Variants in MAST4 observed in about 807,000 individuals in gnomAD.
The protein encoded by MAST4 is microtubule associated serine/threonine kinase family member 4, also known as microtubule-associated serine/threonine-protein kinase 4.
Under a neutral mutation model 162.7 loss-of-function variants are expected in MAST4, and 89 were observed. That is an observed-to-expected ratio of 0.55 (90% CI 0.46 to 0.65). MAST4 has a LOEUF of 0.65. MAST4 is among the 30% of genes least tolerant of loss of function. The pLI, the probability that MAST4 is intolerant of heterozygous loss-of-function variation, is 0.00. For synonymous variants in MAST4, 1,479 were observed against 1,361.1 expected (o/e 1.09, Z -1.91); for missense variants, 3,153 against 3,374.0 (o/e 0.93, Z 1.62).
chr5:66,726,031 T>TTGTG (rs376355771), intron 1 of MAST4, among the ~76,000 whole-genome samples: 4 of 150,878 alleles, frequency 2.7e-5, no homozygotes, highest in Non-Finnish European at 4.4e-5. Context: ...TATGAACATT[T>TTGTG]TGTGTGTGTG....
intron 3 of MAST4, among the ~76,000 whole-genome samples, chr5:66,848,298 T>A (rs1759039324): frequency 6.6e-6 from 1 of 152,164 alleles, no homozygotes; most frequent in Non-Finnish European, 1.5e-5. Flanking sequence ...AATAATTTGT[T>A]TATGATGTTA....
In MAST4 at chr5:66,682,473, T is replaced by C. The variant is rs1323861990; in HGVS notation, c.364-77236T>C. Among the ~76,000 whole-genome samples, 3 of 152,196 alleles carry C rather than the reference T, an allele frequency of 2.0e-5. 1 individual carries two copies. Among genetic ancestry groups the C allele is most frequent in the African/African-American group, 7.2e-5 (3 of 41,440 alleles). On this transcript the variant is annotated intron_variant, in intron 1 of 28. Transcript: ENST00000403625. The stretch of plus-strand genomic sequence containing the variant: ...GAAGATAAAGATGGGTTCAGTTGAA[T>C]TAGGGCTCTGGAGTCAGATCTGCTT...
chr5:66,849,565 TAAGGCGTTCCTTCTTCAGGGC>T lies in MAST4; in HGVS notation c.643-50371_643-50351del, dbSNP rs1353935841. On this transcript the variant is annotated intron_variant, in intron 3 of 28. Coordinates refer to ENST00000403625, the MANE Select transcript of MAST4 (RefSeq NM_001164664.2). ...CTTTGCCCAGAGAAGTAAGCCAGGG[TAAGGCGTTCCTTCTTCAGGGC>T]AAGGCGTTCCTTCTGCAGACCACCA... 2.6e-5 allele frequency among the ~76,000 whole-genome samples: 4 copies of T among 152,270 alleles called. No individual in the cohort carries two copies. The South Asian group carries it at 8.3e-4, about 32-fold the overall frequency.
At chr5:66,914,965 C>A (rs776156729) in intron 4 of MAST4, among the ~76,000 whole-genome samples, 4 of 151,938 alleles carry the variant, frequency 2.6e-5, no homozygotes, top group African/African-American at 2.4e-5. Flanking sequence ...GATCGAGAAT[C>A]AGAAAAGAAG....
intron 3 of MAST4, among the ~76,000 whole-genome samples, chr5:66,841,875 G>A (rs1758453274): frequency 6.6e-6 from 1 of 152,076 alleles, no homozygotes; most frequent in Admixed American, 6.6e-5. Flanking sequence ...ATTTCTTTAA[G>A]CTGAGTTTTC....
chr5:66,851,078 T>C (rs576448496), intron 3 of MAST4, among the ~76,000 whole-genome samples: 150 of 152,314 alleles, frequency 9.8e-4, no homozygotes, highest in African/African-American at 3.5e-3. Context: ...TGGATGATAA[T>C]GTCTTTTACA....
At chr5:66,806,220 A>T (rs1331430802) in intron 3 of MAST4, among the ~76,000 whole-genome samples, 9 of 152,226 alleles carry the variant, frequency 5.9e-5, no homozygotes, top group Admixed American at 6.5e-5. Context: ...CCCCTCATCC[A>T]TCAAGCCTGA....
intron 17 of MAST4, 126 bp downstream of exon 17, chr5:67,133,772 T>G (rs192173139): frequency 3.1e-5 from 33 of 1,052,694 alleles, no homozygotes; most frequent in Non-Finnish European, 1.4e-6. Context: ...GTATAAACCT[T>G]ACATTTAATA....
intron 1 of MAST4, among the ~76,000 whole-genome samples, chr5:66,743,987 A>G (rs539219887): frequency 6.6e-6 from 1 of 152,080 alleles, no homozygotes; most frequent in South Asian, 2.1e-4. Flanking sequence ...CATTTTCTGA[A>G]CATCTCTTAT....
chr5:67,124,177 C>G (rs934534610), intron 14 of MAST4, among the ~76,000 whole-genome samples: 2 of 152,174 alleles, frequency 1.3e-5, no homozygotes, highest in South Asian at 2.1e-4. Context: ...TCTTTGGTTA[C>G]GTCTTCCCTG....
At position 66,790,224 on chromosome 5, in the gene MAST4, T is replaced by C. The variant is rs541976218; in HGVS notation, c.642+1430T>C. On this transcript the variant is annotated intron_variant, in intron 3 of 28. Transcript: ENST00000403625. ...AATTATGTTGGATATTTGGAAATAA[T>C]GCAGTAATGGATGCAGATTTTGTTC... Among the ~76,000 whole-genome samples the C allele has an allele frequency of 8.1e-4, 124 of 152,286 alleles. 2 individuals are homozygous for C. In the South Asian group the frequency reaches 0.025, roughly 31 times the overall value.
intron 1 of MAST4, among the ~76,000 whole-genome samples, chr5:66,718,351 G>T: frequency 6.6e-6 from 1 of 151,640 alleles, no homozygotes; most frequent in Non-Finnish European, 1.5e-5. Context: ...TTAGACACAC[G>T]GCTTCTTCTA....
Position 67,053,906 on chromosome 5 carries a change from G to T in MAST4, c.675-498G>T, listed in dbSNP as rs79872741. Among the ~76,000 whole-genome samples the T allele has an allele frequency of 9.4e-3, 1,431 of 152,128 alleles. 107 individuals carry two copies. The East Asian group carries it at 0.19, about 20-fold the overall frequency. ...TATACAAGATGAAAAATGAATGAGT[G>T]GTGAGACACATTTATCTTAGGCATC... On this transcript the variant is annotated intron_variant, in intron 4 of 28. Coordinates refer to ENST00000403625, the MANE Select transcript of MAST4 (RefSeq NM_001164664.2).
chr5:66,907,840 A>G (rs1763488516), intron 4 of MAST4, among the ~76,000 whole-genome samples: 1 of 152,066 alleles, frequency 6.6e-6, no homozygotes, highest in African/African-American at 2.4e-5. Context: ...AAAGAGAGGG[A>G]AAGAGTTTAA....
rs1437943558 is a variant in MAST4 at position 67,133,628 on chromosome 5, A to G, written c.2208A>G (p.Arg736=). The stretch of plus-strand genomic sequence containing the variant: ...AGGGTCATATTGAGAAGGATGCTAG[A>G]GAGTTCCTGGATAAACAGGTAAGCT... ...LYEGHIEKDA[R]EFLDKQVCGT... The change falls in exon 17 of 29, where the codon AGA becomes AGG. Residue 736 remains arginine, a synonymous_variant. Coordinates refer to ENST00000403625, the MANE Select transcript of MAST4 (RefSeq NM_001164664.2). 6.2e-7 allele frequency: 1 copy of G among 1,613,234 alleles called. No individual in the cohort carries two copies. Among genetic ancestry groups the G allele is most frequent in the Admixed American group, 1.7e-5 (1 of 59,952 alleles).
chr5:66,784,356 A>G (rs1755013764), intron 2 of MAST4, among the ~76,000 whole-genome samples: 1 of 152,182 alleles, frequency 6.6e-6, no homozygotes, highest in Non-Finnish European at 1.5e-5. Context: ...TATACCTATC[A>G]GCCAGCTTTA....
At chr5:66,842,680 T>C (rs1406118383) in intron 3 of MAST4, among the ~76,000 whole-genome samples, 1 of 152,186 alleles carries the variant, frequency 6.6e-6, no homozygotes, top group Non-Finnish European at 1.5e-5. Context: ...CCACTCTCTC[T>C]AGAAGCTAAT....
intron 1 of MAST4, among the ~76,000 whole-genome samples, chr5:66,759,322 A>T (rs1415166860): frequency 6.6e-6 from 1 of 152,234 alleles, no homozygotes; most frequent in African/African-American, 2.4e-5. Flanking sequence ...GTGACCTAGG[A>T]TACACACACA....
intron 3 of MAST4, among the ~76,000 whole-genome samples, chr5:66,824,437 C>A (rs1043191425): frequency 6.6e-6 from 1 of 152,206 alleles, no homozygotes; most frequent in Non-Finnish European, 1.5e-5. Context: ...CAGCTCCCAT[C>A]GCTTTTGGAT....
Sources: gnomAD v4.1 joint callset for allele counts (sites outside exome capture counted in the v4.1 genomes callset) on GRCh38, gnomAD v4.1.1 for gene constraint, MANE v1.5 for transcripts, NCBI Gene and HGNC (gene_info 2026-07-23, HGNC 2026-07-21) for gene names.